VLDLR: variants seen among roughly 807,000 people sequenced by gnomAD.
The protein encoded by VLDLR is very low density lipoprotein receptor.
In VLDLR, 81 loss-of-function variants were observed where a neutral mutation model predicts 112.7. The observed-to-expected ratio is 0.72, with a 90% CI of 0.60 to 0.86. The LOEUF is 0.86. Among genes scored for constraint, VLDLR ranks in the 40% least tolerant of loss-of-function variants. VLDLR has a pLI of 0.00. For synonymous variants in VLDLR, 436 were observed against 384.8 expected (o/e 1.13, Z -1.56); for missense variants, 1,237 against 1,099.4 (o/e 1.13, Z -1.77).
At chr9:2,626,348 G>A (rs1254450499) in intron 1 of VLDLR, among the ~76,000 whole-genome samples, 2 of 152,198 alleles carry the variant, frequency 1.3e-5, no homozygotes, top group Non-Finnish European at 2.9e-5. Context: ...AACTTGTCAC[G>A]TGATGTCAGG....
In VLDLR at chr9:2,657,181, C is replaced by T. The variant is rs1818641388; in HGVS notation, c.*3313C>T. ...CCAAACCTAAAGATTCTAGGGGTCA[C>T]TTATCTCTATTACGTAATCTAACTG... On this transcript the variant is annotated 3_prime_UTR_variant, in exon 19 of 19. Transcript: ENST00000382100. 1 of 152,102 alleles carries T rather than the reference C, an allele frequency of 6.6e-6. No individual in the cohort carries two copies. Among genetic ancestry groups the T allele is most frequent in the Non-Finnish European group, 1.5e-5 (1 of 68,016 alleles). 9.4% of individuals were successfully genotyped at this position (152,102 alleles called of 1,614,324 possible).
chr9:2,634,960 C>G (rs954144396), intron 1 of VLDLR, among the ~76,000 whole-genome samples: 1 of 152,148 alleles, frequency 6.6e-6, no homozygotes, highest in African/African-American at 2.4e-5. Flanking sequence ...TAGCCACACA[C>G]GTAGTTTCAA....
At chr9:2,622,827 G>A (rs748035704) in intron 1 of VLDLR, among the ~76,000 whole-genome samples, 1 of 152,006 alleles carries the variant, frequency 6.6e-6, no homozygotes, top group Admixed American at 6.5e-5. Context: ...CGGCCGGGAG[G>A]CTCCGCGGAG....
intron 1 of VLDLR, among the ~76,000 whole-genome samples, chr9:2,625,920 A>G (rs1329004549): frequency 1.3e-5 from 2 of 152,226 alleles, no homozygotes; most frequent in Admixed American, 6.5e-5. Context: ...TAACCTAGCT[A>G]TAGGCGAATC....
chr9:2,637,504 C>A (rs1405208755), intron 2 of VLDLR, among the ~76,000 whole-genome samples: 1 of 152,226 alleles, frequency 6.6e-6, no homozygotes. Flanking sequence ...GCCCAGTTCA[C>A]ATATCCTTTC....
intron 2 of VLDLR, among the ~76,000 whole-genome samples, chr9:2,639,011 G>C (rs1196812119): frequency 2.0e-5 from 3 of 152,174 alleles, no homozygotes; most frequent in Non-Finnish European, 4.4e-5. Context: ...CAGTATGGGT[G>C]ACAATATTCA....
intron 12 of VLDLR, 34 bp downstream of exon 12, chr9:2,647,626 A>G (rs775507873): frequency 1.2e-5 from 18 of 1,539,330 alleles, no homozygotes; most frequent in Non-Finnish European, 1.5e-5. Context: ...CCACCCACTC[A>G]ACTATCTTCA....
intron 1 of VLDLR, among the ~76,000 whole-genome samples, chr9:2,634,227 C>G (rs1476704774): frequency 6.6e-6 from 1 of 152,150 alleles, no homozygotes; most frequent in Non-Finnish European, 1.5e-5. Context: ...GTAGCTGACA[C>G]TAGGGAGACC....
rs1463078639 is a variant in VLDLR, at chr9:2,658,003, C to G, written c.*4135C>G. The G allele has an allele frequency of 6.6e-6, 1 of 152,066 alleles. No homozygotes were observed. Among genetic ancestry groups the G allele is most frequent in the Admixed American group, 6.5e-5 (1 of 15,280 alleles). The allele number at this position is 152,066 out of a possible 1,614,324, so 9.4% of individuals were successfully genotyped here. ...GAGAGTTCAGAAATATATAAAAGTA[C>G]AAAAATCTTCAAAGGTACTTATTTC... On this transcript the variant is annotated 3_prime_UTR_variant, in exon 19 of 19. Coordinates refer to ENST00000382100, the MANE Select transcript of VLDLR (RefSeq NM_003383.5).
chr9:2,622,375 C>T, intron 1 of VLDLR, 104 bp downstream of exon 1: 1 of 1,010,848 alleles, frequency 9.9e-7, no homozygotes, highest in East Asian at 3.3e-5. Flanking sequence ...CTAGGAGGCG[C>T]CTCTCGGTTC....
rs776952317 is a variant in VLDLR at position 2,643,947 on chromosome 9, C to T, written c.1054C>T (p.Leu352=). 2 of 1,614,046 alleles carry T rather than the reference C, an allele frequency of 1.2e-6. No individual in the cohort carries two copies. The highest frequency in any genetic ancestry group is 8.5e-7 in the Non-Finnish European group (1 of 1,180,002). ...QDCRDWSDEP[L]KECHINECLV... is the part of the protein sequence containing the mutation. Reference sequence around the variant, plus strand: ...CTGCAGGGACTGGAGTGATGAGCCCCTGAAAGAGTGTCGTAAGTGTACTTG... The same window carrying T: ...CTGCAGGGACTGGAGTGATGAGCCCTTGAAAGAGTGTCGTAAGTGTACTTG... Residue 352 remains leucine, a synonymous_variant, in exon 7 of 19, where the codon CTG becomes TTG. Coordinates refer to ENST00000382100, the MANE Select transcript of VLDLR (RefSeq NM_003383.5).
intron 1 of VLDLR, 76 bp downstream of exon 1, chr9:2,622,347 C>G (rs1006687297): frequency 2.3e-6 from 3 of 1,297,940 alleles, no homozygotes; most frequent in South Asian, 1.8e-5. Context: ...CGTAGGTCTC[C>G]GTTTGCCCAC....
intron 9 of VLDLR, among the ~76,000 whole-genome samples, chr9:2,645,296 T>C (rs1412230990): frequency 6.6e-6 from 1 of 152,212 alleles, no homozygotes; most frequent in East Asian, 1.9e-4. Context: ...CATGAATACC[T>C]ACCAGGTTTG....
intron 16 of VLDLR, 129 bp from the exon 17 acceptor site, chr9:2,651,745 C>G: frequency 1.9e-6 from 2 of 1,041,642 alleles, no homozygotes; most frequent in Non-Finnish European, 2.9e-6. Context: ...AGAGTTGTTC[C>G]TGGTGTTCAA....
In VLDLR at chr9:2,654,050, C is replaced by G; in HGVS notation, c.*182C>G. 2 of 617,296 alleles carry G rather than the reference C, an allele frequency of 3.2e-6. No homozygotes were observed. The highest frequency in any genetic ancestry group is 5.7e-6 in the Non-Finnish European group (2 of 349,704). 38.2% of individuals were successfully genotyped at this position (617,296 alleles called of 1,614,324 possible). The stretch of plus-strand genomic sequence containing the variant: ...ATATTACTTTTGTAAATATTCTTGT[C>G]CACATTCTACTTCAGCTTTGGATGT... On this transcript the variant is annotated 3_prime_UTR_variant, in exon 19 of 19. Transcript: ENST00000382100.
At position 2,651,936 on chromosome 9, in the gene VLDLR, T is replaced by C; in HGVS notation, c.2398T>C (p.Trp800Arg). The C allele has an allele frequency of 6.2e-7, 1 of 1,614,126 alleles. No homozygotes were observed. The highest frequency in any genetic ancestry group is 8.5e-7 in the Non-Finnish European group (1 of 1,179,976). ...SVPPKGTSAA[W>R]AILPLLLLVM... is the part of the protein sequence containing the mutation. ...TCCCCCAAAAGGGACTTCTGCCGCA[T>C]GGGCCATTCTTCCTCTCTGTAAGTA... is the stretch of plus-strand genomic sequence containing the variant. Residue 800 changes from tryptophan (W) to arginine (R), a missense_variant, in exon 17 of 19, where the codon TGG (tryptophan) becomes CGG (arginine). Trp to Arg is a moderately radical substitution (Grantham distance 101). Transcript: ENST00000382100.
chr9:2,657,265 T>C lies in VLDLR; in HGVS notation c.*3397T>C, dbSNP rs1315654686. ...TTACCCAAGTAAAACAATTTATTAT[T>C]TTGAATCCAAATGAAAGCTATACTG... is the stretch of plus-strand genomic sequence containing the variant. On this transcript the variant is annotated 3_prime_UTR_variant, in exon 19 of 19. Transcript: ENST00000382100. 6.6e-6 allele frequency: 1 copy of C among 152,196 alleles called. No individual in the cohort carries two copies. Among genetic ancestry groups the C allele is most frequent in the Non-Finnish European group, 1.5e-5 (1 of 68,032 alleles). 9.4% of individuals were successfully genotyped at this position (152,196 alleles called of 1,614,324 possible).
Position 2,659,846 on chromosome 9 carries a change from A to T in VLDLR, c.*5978A>T, listed in dbSNP as rs190683385. ...CAAAATGACTGGCTTTGACAAAACT[A>T]TCTTGCTCTTTTTAAATGTCACTTG... On this transcript the variant is annotated 3_prime_UTR_variant, in exon 19 of 19. Transcript: ENST00000382100. 1 of 152,210 alleles carries T rather than the reference A, an allele frequency of 6.6e-6. No individual in the cohort carries two copies. Among genetic ancestry groups the T allele is most frequent in the African/African-American group, 2.4e-5 (1 of 41,460 alleles). 9.4% of individuals were successfully genotyped at this position (152,210 alleles called of 1,614,324 possible).
intron 1 of VLDLR, among the ~76,000 whole-genome samples, chr9:2,622,721 G>A (rs1816877939): frequency 6.6e-6 from 1 of 152,212 alleles, no homozygotes; most frequent in East Asian, 1.9e-4. Context: ...CGGACGGGGG[G>A]AGAAGGTGAG....
Sources: gnomAD v4.1 joint callset for allele counts (sites outside exome capture counted in the v4.1 genomes callset) on GRCh38, gnomAD v4.1.1 for gene constraint, MANE v1.5 for transcripts, NCBI Gene and HGNC (gene_info 2026-07-23, HGNC 2026-07-21) for gene names.